Variants in C8orf34 observed in about 807,000 individuals in gnomAD.
C8orf34 encodes chromosome 8 open reading frame 34.
A neutral mutation model predicts 68.3 loss-of-function variants in C8orf34; 65 were observed. The observed-to-expected ratio is 0.95, with a 90% CI of 0.78 to 1.17. The LOEUF (loss-of-function observed/expected upper bound fraction) is 1.17. C8orf34 is among the 50% of genes most tolerant of loss of function. C8orf34 has a pLI of 0.00. For missense variants in C8orf34, 664 were observed against 655.4 expected (o/e 1.01, Z -0.14); for synonymous variants, 244 against 241.2 (o/e 1.01, Z -0.11).
chr8:68,506,361 A>G (rs1324175867), intron 5 of C8orf34, among the ~76,000 whole-genome samples: 4 of 152,224 alleles, frequency 2.6e-5, no homozygotes, highest in Admixed American at 2.6e-4. Flanking sequence ...AGATTTAATT[A>G]GTAATTTTAT....
At chr8:68,460,492 A>G (rs1163391036) in intron 3 of C8orf34, among the ~76,000 whole-genome samples, 5 of 152,220 alleles carry the variant, frequency 3.3e-5, no homozygotes, top group African/African-American at 1.2e-4. Context: ...TGCCTCCTCA[A>G]GTGGGTCCCT....
At chr8:68,734,776 A>G (rs2129526995) in intron 10 of C8orf34, among the ~76,000 whole-genome samples, 1 of 152,282 alleles carries the variant, frequency 6.6e-6, no homozygotes, top group South Asian at 2.1e-4. Context: ...ATTTGTCCAC[A>G]TGACTGTCCA....
intron 10 of C8orf34, among the ~76,000 whole-genome samples, chr8:68,757,298 T>A (rs567121187): frequency 6.6e-6 from 1 of 152,274 alleles, no homozygotes; most frequent in African/African-American, 2.4e-5. Context: ...CAGTGACGGA[T>A]GTTAACCAGC....
chr8:68,439,768 C>A, intron 2 of C8orf34, 122 bp downstream of exon 2: 1 of 896,734 alleles, frequency 1.1e-6, no homozygotes. Flanking sequence ...ATGTGTTCAT[C>A]TCTGACCTTA....
At chr8:68,617,610 G>A (rs1213354879) in intron 7 of C8orf34, among the ~76,000 whole-genome samples, 3 of 152,150 alleles carry the variant, frequency 2.0e-5, no homozygotes, top group African/African-American at 4.8e-5. Context: ...TTGAATATTG[G>A]CCCTCACTCT....
chr8:68,627,727 A>T (rs375994542), intron 7 of C8orf34, among the ~76,000 whole-genome samples: 3 of 152,168 alleles, frequency 2.0e-5, no homozygotes, highest in African/African-American at 7.2e-5. Flanking sequence ...TATTTTTCTA[A>T]CAGAAGAGCC....
chr8:68,416,006 T>A (rs1334214216), intron 1 of C8orf34, among the ~76,000 whole-genome samples: 1 of 152,224 alleles, frequency 6.6e-6, no homozygotes, highest in Non-Finnish European at 1.5e-5. Context: ...GAATACCTGC[T>A]TCACAGATTG....
At chr8:68,708,952 T>C (rs778324029) in intron 8 of C8orf34, 42 bp from the exon 9 acceptor site, 50 of 1,429,970 alleles carry the variant, frequency 3.5e-5, no homozygotes, top group Non-Finnish European at 4.9e-5. Context: ...TTTCACAATT[T>C]AACATTATGA....
intron 4 of C8orf34, 34 bp downstream of exon 4, chr8:68,468,854 C>T (rs770981093): frequency 1.3e-6 from 2 of 1,593,164 alleles, no homozygotes; most frequent in East Asian, 4.5e-5. Flanking sequence ...ATTGAAACTC[C>T]TAACCAATAT....
At chr8:68,519,019 G>A (rs1814638931) in intron 5 of C8orf34, among the ~76,000 whole-genome samples, 1 of 151,994 alleles carries the variant, frequency 6.6e-6, no homozygotes, top group African/African-American at 2.4e-5. Context: ...ATTGTACGAT[G>A]ATAAAATGTG....
At chr8:68,604,812 A>T (rs189222757) in intron 7 of C8orf34, among the ~76,000 whole-genome samples, 212 of 152,282 alleles carry the variant, frequency 1.4e-3, no homozygotes, top group Non-Finnish European at 2.5e-3. Context: ...ACGTTTTGAT[A>T]CAATACCAAA....
At chr8:68,441,052 C>A (rs1354297238) in intron 2 of C8orf34, among the ~76,000 whole-genome samples, 2 of 152,172 alleles carry the variant, frequency 1.3e-5, no homozygotes, top group Admixed American at 6.5e-5. Flanking sequence ...GATCCGCCCT[C>A]CTTGGCCTCC....
At chr8:68,571,540 T>A (rs908691982) in intron 7 of C8orf34, among the ~76,000 whole-genome samples, 7 of 97,304 alleles carry the variant, frequency 7.2e-5, no homozygotes, top group Non-Finnish European at 1.2e-4. Flanking sequence ...TTCTTAAGCC[T>A]GCTGTGCTTA....
chr8:68,536,685 TA>T (rs1252528508), intron 7 of C8orf34, among the ~76,000 whole-genome samples: 2 of 152,092 alleles, frequency 1.3e-5, no homozygotes, highest in African/African-American at 4.8e-5. Context: ...TAAAAGTTTA[TA>T]AAAAATGTAT....
At chr8:68,435,139 G>A (rs962870756) in intron 1 of C8orf34, among the ~76,000 whole-genome samples, 2 of 148,756 alleles carry the variant, frequency 1.3e-5, no homozygotes, top group African/African-American at 4.9e-5. Flanking sequence ...AATATTACAA[G>A]TGTATATTGA....
intron 8 of C8orf34, among the ~76,000 whole-genome samples, chr8:68,666,609 T>C (rs776585327): frequency 2.6e-5 from 4 of 152,232 alleles, no homozygotes; most frequent in Non-Finnish European, 5.9e-5. Context: ...CATAAGGAAG[T>C]GGCCTGCCAT....
chr8:68,706,926 G>A (rs146577594), intron 8 of C8orf34, among the ~76,000 whole-genome samples: 1 of 152,260 alleles, frequency 6.6e-6, no homozygotes, highest in East Asian at 1.9e-4. Context: ...TCTTAGGTGA[G>A]ACTTTCCAAT....
At chr8:68,492,343 C>A (rs1014274582) in intron 5 of C8orf34, among the ~76,000 whole-genome samples, 2 of 152,158 alleles carry the variant, frequency 1.3e-5, no homozygotes, top group Non-Finnish European at 2.9e-5. Flanking sequence ...GACCCTCCCA[C>A]CTCAGCCTCT....
intron 5 of C8orf34, among the ~76,000 whole-genome samples, chr8:68,519,310 T>C (rs961849756): frequency 6.6e-6 from 1 of 152,318 alleles, no homozygotes; most frequent in East Asian, 1.9e-4. Context: ...TGTATTACTT[T>C]TGGAAAGTTA....
Sources: allele counts gnomAD v4.1 joint callset (sites outside exome capture counted in the v4.1 genomes callset), GRCh38; gene constraint gnomAD v4.1.1; transcripts MANE v1.5; gene names NCBI Gene and HGNC (gene_info 2026-07-23, HGNC 2026-07-21).